Variants in SH3TC1 observed in about 807,000 individuals in gnomAD.
The protein encoded by SH3TC1 is SH3 domain and tetratricopeptide repeats 1.
Under a neutral mutation model 117.3 loss-of-function variants are expected in SH3TC1, and 135 were observed. The ratio of observed to expected loss-of-function variants is 1.15; its 90% confidence interval spans 1.00 to 1.33. The LOEUF (loss-of-function observed/expected upper bound fraction) is 1.33. Among genes scored for constraint, SH3TC1 ranks in the 40% most tolerant of loss-of-function variants. The pLI is 0.00. For missense variants in SH3TC1, 2,092 were observed against 1,794.3 expected (o/e 1.17, Z -3.00); for synonymous variants, 898 against 816.9 (o/e 1.10, Z -1.69).
At chr4:8,219,997 G>A (rs564101521) in intron 9 of SH3TC1, among the ~76,000 whole-genome samples, 23 of 152,140 alleles carry the variant, frequency 1.5e-4, no homozygotes, top group Non-Finnish European at 2.5e-4. Flanking sequence ...CTCTGCCGCC[G>A]TCTCCACGTG....
In SH3TC1 at chr4:8,214,508, G is replaced by A. The variant is rs1440843796; in HGVS notation, c.409G>A (p.Asp137Asn). The change falls in exon 5 of 18, where the codon GAC (aspartate) becomes AAC (asparagine). Residue 137 changes from aspartate to asparagine, a missense_variant. Physicochemically the swap from Asp to Asn is conservative, Grantham distance 23. Coordinates refer to ENST00000245105, the MANE Select transcript of SH3TC1 (RefSeq NM_018986.5). Reference protein sequence around the residue: ...LSARLLSIHSDQDRIVVTFKT... With the variant: ...LSARLLSIHSNQDRIVVTFKT... ...AGCCAGGCTGCTGTCCATCCACAGT[G>A]ACCAGGACCGGATCGTGGTGACGTT... 1 of 1,613,844 alleles carries A rather than the reference G, an allele frequency of 6.2e-7. No homozygotes were observed. The highest frequency in any genetic ancestry group is 1.3e-5 in the African/African-American group (1 of 74,908).
Position 8,192,051 on chromosome 4 carries a change from G to A in SH3TC1, c.-57+9841G>A, listed in dbSNP as rs1717433557. On this transcript the variant is annotated intron_variant, in intron 1 of 16. Coordinates refer to the SH3TC1 transcript ENST00000508641. The surrounding 1 kb of genome is among the most constrained non-coding windows in gnomAD (Gnocchi z 4.1). ...GTCACCCAGGCTGGAGTGCAATGGC[G>A]CGATCTCGGCTCACTGCCACCTCGG... Among the ~76,000 whole-genome samples, 2 of 151,416 alleles carry A rather than the reference G, an allele frequency of 1.3e-5. No individual in the cohort carries two copies. The highest frequency in any genetic ancestry group is 2.1e-4 in the South Asian group (1 of 4,790).
At chr4:8,237,301 G>A in intron 16 of SH3TC1, 173 bp from the exon 17 acceptor site, 1 of 558,962 alleles carries the variant, frequency 1.8e-6, no homozygotes, top group Non-Finnish European at 3.0e-6. Context: ...ATGGGGGCAG[G>A]CCTTATTAGT....
At chr4:8,239,980 T>C (rs1384161513) in intron 17 of SH3TC1, among the ~76,000 whole-genome samples, 2 of 152,254 alleles carry the variant, frequency 1.3e-5, no homozygotes, top group African/African-American at 4.8e-5. Context: ...TGCTGCATCT[T>C]AGACTTTGTC....
At chr4:8,223,525 C>CA (rs2152989430) in intron 10 of SH3TC1, among the ~76,000 whole-genome samples, 1 of 152,262 alleles carries the variant, frequency 6.6e-6, no homozygotes, top group African/African-American at 2.4e-5. Flanking sequence ...GGCTGCAGTG[C>CA]AACGCATAGA....
At chr4:8,236,472 C>T in intron 16 of SH3TC1, 44 bp downstream of exon 16, 1 of 1,422,866 alleles carries the variant, frequency 7.0e-7, no homozygotes, top group Non-Finnish European at 9.2e-7. Context: ...CACACTTTGC[C>T]AGAGCTCAGC....
chr4:8,190,371 C>T lies in SH3TC1; in HGVS notation c.-57+8161C>T, dbSNP rs1717379851. ...CAGGATCAACCCCCATCACTGGGCT[C>T]TGCAGAATGCCAAAATTCCAGCTGG... On this transcript the variant is annotated intron_variant, in intron 1 of 16. Transcript: ENST00000508641. The surrounding 1 kb of genome is among the most constrained non-coding windows in gnomAD (Gnocchi z 4.7). 6.6e-6 allele frequency among the ~76,000 whole-genome samples: 1 copy of T among 152,204 alleles called. No homozygotes were observed. The highest frequency in any genetic ancestry group is 2.4e-5 in the African/African-American group (1 of 41,456).
At chr4:8,215,189 C>T (rs557228432) in intron 5 of SH3TC1, 65 of 456,272 alleles carry the variant, frequency 1.4e-4, no homozygotes, top group African/African-American at 1.0e-3. Flanking sequence ...GGGAAGCTGC[C>T]GTCCAGTGGC....
intron 3 of SH3TC1, among the ~76,000 whole-genome samples, chr4:8,211,642 G>C (rs1006115463): frequency 6.6e-6 from 1 of 151,144 alleles, no homozygotes; most frequent in Admixed American, 6.6e-5. Flanking sequence ...TCTTGACCTG[G>C]AGGATTGGGA....
In SH3TC1 at chr4:8,216,881, G is replaced by A. The variant is rs11733554; in HGVS notation, c.629-76G>A. The stretch of plus-strand genomic sequence containing the variant: ...TGGGTGTTGCCTTCGTTGTCTGTCC[G>A]GCAGGGGTGTGGGGGGCAGGGCCAC... On this transcript the variant is annotated intron_variant, in intron 6 of 17. Transcript: ENST00000245105. The A allele has an allele frequency of 5.1e-4, 756 of 1,477,798 alleles. 2 individuals carry two copies. Among genetic ancestry groups the A allele is most frequent in the Non-Finnish European group, 6.7e-4 (707 of 1,056,784 alleles). 91.5% of individuals were successfully genotyped at this position (1,477,798 alleles called of 1,614,324 possible). A position where few individuals can be genotyped will look rare whatever the true frequency, so the allele number is the denominator to read the frequency against.
intron 13 of SH3TC1, chr4:8,232,427 A>G (rs1721321847): frequency 6.5e-7 from 1 of 1,546,162 alleles, no homozygotes; most frequent in African/African-American, 1.4e-5. Flanking sequence ...ACCCCAGCAG[A>G]AGCAGTTACA....
At chr4:8,238,500 C>G (rs922633134) in intron 17 of SH3TC1, among the ~76,000 whole-genome samples, 2 of 152,198 alleles carry the variant, frequency 1.3e-5, no homozygotes, top group African/African-American at 4.8e-5. Context: ...CCAGGGCGCT[C>G]CAGTCCAGGG....
Position 8,205,976 on chromosome 4 carries a change from G to C in SH3TC1, c.172+610G>C. On this transcript the variant is annotated intron_variant, in intron 2 of 17. Transcript: ENST00000245105. This position sits in a 1 kb window ranked among gnomAD's most constrained non-coding sequence, Gnocchi z 5.4. ...CAGGAGACAGCTGCGGTTGTGACCC[G>C]TCCCTGGGCCTCGTCCTCCCAGTGT... 2.5e-6 allele frequency: 1 copy of C among 400,510 alleles called. No homozygotes were observed. The highest frequency in any genetic ancestry group is 4.5e-6 in the Non-Finnish European group (1 of 221,430). 24.8% of individuals were successfully genotyped at this position (400,510 alleles called of 1,614,324 possible).
chr4:8,237,875 C>A (rs1721966973), intron 17 of SH3TC1, among the ~76,000 whole-genome samples: 4 of 152,136 alleles, frequency 2.6e-5, no homozygotes, highest in Admixed American at 2.0e-4. Flanking sequence ...AAGAACTCAG[C>A]CTCAGCCAGG....
intron 1 of SH3TC1, among the ~76,000 whole-genome samples, chr4:8,185,072 A>T (rs1372768012): frequency 6.7e-6 from 1 of 149,864 alleles, no homozygotes; most frequent in African/African-American, 2.5e-5. Flanking sequence ...GCGGTGGCTC[A>T]CACCTGTAAT....
In SH3TC1 at chr4:8,200,287, G is replaced by A. The variant is rs553478491; in HGVS notation, c.-29+882G>A. Among the ~76,000 whole-genome samples, 468 of 152,280 alleles carry A rather than the reference G, an allele frequency of 3.1e-3. 5 individuals carry two copies. Among genetic ancestry groups the A allele is most frequent in the African/African-American group, 0.011 (445 of 41,556 alleles). ...TGTGGCTGGAGGCAAGGCTGGGCCC[G>A]AGTCAGGTCTGGGTTTAGGATGGGT... On this transcript the variant is annotated intron_variant, in intron 1 of 17. Coordinates refer to ENST00000245105, the MANE Select transcript of SH3TC1 (RefSeq NM_018986.5).
chr4:8,196,729 G>A (rs568356480), upstream of SH3TC1, among the ~76,000 whole-genome samples: 1 of 152,256 alleles, frequency 6.6e-6, no homozygotes, highest in East Asian at 1.9e-4. This position sits in a 1 kb window ranked among gnomAD's most constrained non-coding sequence, Gnocchi z 4.6. Flanking sequence ...GGAGAAGGAA[G>A]GTGGGAGATG....
chr4:8,198,147 G>A (rs1178454447), upstream of SH3TC1, among the ~76,000 whole-genome samples: 1 of 152,170 alleles, frequency 6.6e-6, no homozygotes, highest in Non-Finnish European at 1.5e-5. Flanking sequence ...AATGTCGGTA[G>A]TGCCTTGGTT....
chr4:8,199,889 C>T (rs537445498), intron 1 of SH3TC1, among the ~76,000 whole-genome samples: 159 of 152,364 alleles, frequency 1.0e-3, no homozygotes, highest in African/African-American at 3.6e-3. Context: ...GATGCCGCCA[C>T]CTGGGCCTCT....
Sources: allele counts gnomAD v4.1 joint callset (sites outside exome capture counted in the v4.1 genomes callset), GRCh38; gene constraint gnomAD v4.1.1; non-coding constraint Gnocchi (gnomAD v3.1); transcripts MANE v1.5; gene names NCBI Gene and HGNC (gene_info 2026-07-23, HGNC 2026-07-21).